AKAP12: variants seen among roughly 807,000 people sequenced by gnomAD.
AKAP12 encodes A-kinase anchor protein 12.
Under a neutral mutation model 79.9 loss-of-function variants are expected in AKAP12, and 32 were observed. The observed-to-expected ratio is 0.40, with a 90% CI of 0.30 to 0.54. The LOEUF is 0.54. Among genes scored for constraint, AKAP12 ranks in the 20% least tolerant of loss-of-function variants. The pLI is 0.48. For synonymous variants in AKAP12, 808 were observed against 857.0 expected, an observed-to-expected ratio of 0.94 and a Z score of 1.00; for missense variants, 2,074 against 2,177.0, an observed-to-expected ratio of 0.95 and a Z score of 0.94.
At chr6:151,282,537 G>A (rs750510983) in intron 2 of AKAP12, among the ~76,000 whole-genome samples, 1 of 152,162 alleles carries the variant, frequency 6.6e-6, no homozygotes, top group African/African-American at 2.4e-5. Flanking sequence ...GGCTTGCATA[G>A]GTTCTGAGAA....
intron 2 of AKAP12, among the ~76,000 whole-genome samples, chr6:151,303,034 A>G (rs1237066474): frequency 6.6e-6 from 1 of 152,100 alleles, no homozygotes; most frequent in African/African-American, 2.4e-5. Flanking sequence ...CTCTACTAAA[A>G]ATACAAAAAT....
intron 3 of AKAP12, 30 bp from the exon 4 acceptor site, chr6:151,348,681 C>CTCCA: frequency 9.2e-6 from 2 of 218,344 alleles, no homozygotes; most frequent in South Asian, 5.0e-5. Flanking sequence ...TTTCTCTTCT[C>CTCCA]CCCACCCCCC....
In AKAP12 at chr6:151,352,721, T is replaced by C. The variant is rs571334364; in HGVS notation, c.4330T>C (p.Leu1444=). Residue 1444 remains leucine, a synonymous_variant, in exon 4 of 5, where the codon TTG becomes CTG. Transcript: ENST00000402676. ...CAACATTTTAGAAACAGGTGAAACGTTGGAGCCTGCAGGTGCACATTTAGT... is the reference window on the plus strand; with the variant it reads ...CAACATTTTAGAAACAGGTGAAACGCTGGAGCCTGCAGGTGCACATTTAGT... ...TANILETGET[L]EPAGAHLVLE... is the part of the protein sequence containing the mutation. The C allele has an allele frequency of 1.8e-5, 29 of 1,614,170 alleles. No homozygotes were observed. The African/African-American group carries it at 3.5e-4, about 19-fold the overall frequency.
chr6:151,268,497 A>C (rs986423783), intron 2 of AKAP12, among the ~76,000 whole-genome samples: 1 of 152,224 alleles, frequency 6.6e-6, no homozygotes, highest in African/African-American at 2.4e-5. Context: ...CTTGGCAGCT[A>C]TATAAAACTA....
chr6:151,242,867 G>A (rs1056090399), intron 2 of AKAP12, among the ~76,000 whole-genome samples: 1 of 152,244 alleles, frequency 6.6e-6, no homozygotes, highest in Non-Finnish European at 1.5e-5. Flanking sequence ...AGGAATACTT[G>A]TGGAAAGAGG....
At chr6:151,277,620 A>C (rs1188021034) in intron 2 of AKAP12, among the ~76,000 whole-genome samples, 1 of 150,406 alleles carries the variant, frequency 6.6e-6, no homozygotes, top group Admixed American at 6.6e-5. Context: ...GATCAGGTTT[A>C]AACCTGCAAG....
At chr6:151,268,954 T>TG (rs2114708687) in intron 2 of AKAP12, among the ~76,000 whole-genome samples, 1 of 122,694 alleles carries the variant, frequency 8.2e-6, no homozygotes, top group Non-Finnish European at 1.7e-5. Context: ...TGTTTTTTTT[T>TG]TTTTTTTTTT....
intron 2 of AKAP12, among the ~76,000 whole-genome samples, chr6:151,255,416 T>C (rs1797273162): frequency 6.6e-6 from 1 of 151,798 alleles, no homozygotes; most frequent in African/African-American, 2.4e-5. Context: ...CTGCCTCGGC[T>C]TCCCAAAGTG....
intron 2 of AKAP12, among the ~76,000 whole-genome samples, chr6:151,289,503 G>A (rs1379101146): frequency 6.6e-6 from 1 of 152,220 alleles, no homozygotes; most frequent in Non-Finnish European, 1.5e-5. Flanking sequence ...AACCCATCTT[G>A]TGGTTGATGT....
chr6:151,338,082 C>G (rs921723592), intron 3 of AKAP12, among the ~76,000 whole-genome samples: 1 of 152,098 alleles, frequency 6.6e-6, no homozygotes, highest in African/African-American at 2.4e-5. Flanking sequence ...ACATCATGGT[C>G]CTTTACTCCT....
At position 151,358,380 on chromosome 6, in the gene AKAP12, T is replaced by C. The variant is rs890723892; in HGVS notation, c.*2666T>C. The C allele has an allele frequency of 2.0e-5, 3 of 152,238 alleles. No homozygotes were observed. Among genetic ancestry groups the C allele is most frequent in the African/African-American group, 7.2e-5 (3 of 41,460 alleles). 9.4% of individuals were successfully genotyped at this position (152,238 alleles called of 1,614,324 possible). A position where few individuals can be genotyped will look rare whatever the true frequency, so the allele number is the denominator to read the frequency against. On this transcript the variant is annotated 3_prime_UTR_variant, in exon 5 of 5. Coordinates refer to ENST00000402676, the MANE Select transcript of AKAP12 (RefSeq NM_005100.4). ...AGATAAATTGTTCCAATATTTTCCT[T>C]TGATGTTTGGAACTACAGATAGTCA...
Position 151,353,173 on chromosome 6 carries a change from G to C in AKAP12, c.4782G>C (p.Thr1594=), listed in dbSNP as rs368359641. 28 of 1,614,134 alleles carry C rather than the reference G, an allele frequency of 1.7e-5. No homozygotes were observed. Among genetic ancestry groups the C allele is most frequent in the Non-Finnish European group, 2.4e-5 (28 of 1,180,048 alleles). The change falls in exon 4 of 5, where the codon ACG becomes ACC. Residue 1594 remains threonine, a synonymous_variant. Coordinates refer to ENST00000402676, the MANE Select transcript of AKAP12 (RefSeq NM_005100.4). ...ACAGCCAGGACGCTGGACAGGAAAC[G>C]GAGAAAGAAGGAGAGGAACCTCAGG... ...KADSQDAGQE[T]EKEGEEPQAS...
At chr6:151,335,139 G>A (rs1485518405) in intron 3 of AKAP12, among the ~76,000 whole-genome samples, 2 of 152,192 alleles carry the variant, frequency 1.3e-5, no homozygotes, top group East Asian at 1.9e-4. Flanking sequence ...AACAAATTGT[G>A]CAGCCATTAG....
chr6:151,322,751 G>GGGCGTGTCCACCACCCACTCCCA (rs1777429255), intron 3 of AKAP12, among the ~76,000 whole-genome samples: 1 of 148,972 alleles, frequency 6.7e-6, no homozygotes, highest in African/African-American at 2.6e-5. Flanking sequence ...ACCCACTCCT[G>GGGCGTGTCCACCACCCACTCCCA]CCACTGGGTG....
At chr6:151,289,591 G>A (rs72994089) in intron 2 of AKAP12, among the ~76,000 whole-genome samples, 4,601 of 152,230 alleles carry the variant, frequency 0.03, 93 homozygotes, top group Non-Finnish European at 0.044. Flanking sequence ...GTAGAGTAAG[G>A]TCTTGATAAG....
intron 3 of AKAP12, among the ~76,000 whole-genome samples, chr6:151,308,348 G>A (rs897384925): frequency 6.6e-6 from 1 of 151,950 alleles, no homozygotes; most frequent in Non-Finnish European, 1.5e-5. Flanking sequence ...GAGTAGCTGG[G>A]ACTACAGGTG....
chr6:151,333,601 G>T (rs994444428), intron 3 of AKAP12, among the ~76,000 whole-genome samples: 1 of 151,932 alleles, frequency 6.6e-6, no homozygotes, highest in Non-Finnish European at 1.5e-5. Context: ...AAATTAGCTG[G>T]GCATGGTGGC....
rs147582925 is a variant in AKAP12, at chr6:151,352,891, G to A, written c.4500G>A (p.Leu1500=). 2 of 1,614,142 alleles carry A rather than the reference G, an allele frequency of 1.2e-6. No individual in the cohort carries two copies. Among genetic ancestry groups the A allele is most frequent in the Non-Finnish European group, 1.7e-6 (2 of 1,180,046 alleles). The change falls in exon 4 of 5, where the codon CTG becomes CTA. Residue 1500 remains leucine (L), a synonymous_variant. Coordinates refer to ENST00000402676, the MANE Select transcript of AKAP12 (RefSeq NM_005100.4). ...ATTKKGLSSD[L]EGEKTTSLKW... ...CCAAGAAAGGCTTAAGTTCCGACCTGGAAGGAGAGAAAACCACATCACTGA... is the reference window on the plus strand; with the variant it reads ...CCAAGAAAGGCTTAAGTTCCGACCTAGAAGGAGAGAAAACCACATCACTGA...
chr6:151,259,476 A>ATGTG (rs1797370933), intron 2 of AKAP12, among the ~76,000 whole-genome samples: 2 of 90,698 alleles, frequency 2.2e-5, no homozygotes, highest in African/African-American at 1.0e-4. Flanking sequence ...ACATGTATAT[A>ATGTG]TATATATACA....
Sources: gnomAD v4.1 joint callset for allele counts (sites outside exome capture counted in the v4.1 genomes callset) on GRCh38, gnomAD v4.1.1 for gene constraint, MANE v1.5 for transcripts, NCBI Gene and HGNC (gene_info 2026-07-23, HGNC 2026-07-21) for gene names.